Variants in RALYL observed in about 807,000 individuals in gnomAD.
RALYL encodes RNA-binding Raly-like protein.
A neutral mutation model predicts 35.1 loss-of-function variants in RALYL; 29 were observed. The ratio of observed to expected loss-of-function variants is 0.83; its 90% CI spans 0.61 to 1.13. RALYL has a LOEUF of 1.13. Ranked by LOEUF, RALYL falls within the 50% of genes most tolerant of loss-of-function variation. The pLI, the probability that RALYL is intolerant of heterozygous loss-of-function variation, is 0.00. For synonymous variants in RALYL, 120 were observed against 127.6 expected, an observed-to-expected ratio of 0.94 and a Z score of 0.40; for missense variants, 359 against 360.4, an observed-to-expected ratio of 1.00 and a Z score of 0.03.
intron 3 of RALYL, among the ~76,000 whole-genome samples, chr8:84,779,534 T>C (rs1375499749): frequency 6.6e-6 from 1 of 152,192 alleles, no homozygotes; most frequent in Non-Finnish European, 1.5e-5. Context: ...TTGGCTATCA[T>C]ACAAATGCCT....
At chr8:84,674,907 T>C (rs992072284) in intron 2 of RALYL, among the ~76,000 whole-genome samples, 1 of 152,152 alleles carries the variant, frequency 6.6e-6, no homozygotes, top group African/African-American at 2.4e-5. Flanking sequence ...TAAAGTTGTT[T>C]CTTGGATTTA....
At chr8:84,866,875 G>A (rs1212235871) in intron 6 of RALYL, among the ~76,000 whole-genome samples, 1 of 152,032 alleles carries the variant, frequency 6.6e-6, no homozygotes, top group East Asian at 1.9e-4. Flanking sequence ...TTCATGCAGG[G>A]CCAAGATAAA....
At chr8:84,303,013 T>C (rs112034533) in intron 1 of RALYL, among the ~76,000 whole-genome samples, 1,915 of 152,316 alleles carry the variant, frequency 0.013, 57 homozygotes, top group African/African-American at 0.043. Flanking sequence ...TTAATATTGA[T>C]GTTAATATAC....
intron 1 of RALYL, among the ~76,000 whole-genome samples, chr8:84,391,355 G>C (rs1159374964): frequency 6.6e-6 from 1 of 151,912 alleles, no homozygotes; most frequent in East Asian, 1.9e-4. Flanking sequence ...TTGAAACAAA[G>C]AAAAGTCCTA....
intron 2 of RALYL, among the ~76,000 whole-genome samples, chr8:84,691,712 T>A (rs1838098631): frequency 6.6e-6 from 1 of 151,262 alleles, no homozygotes; most frequent in South Asian, 2.1e-4. Context: ...AGAGAGTGAG[T>A]CCCCTGGAGG....
At chr8:84,677,902 T>A (rs376491181) in intron 2 of RALYL, among the ~76,000 whole-genome samples, 1 of 152,186 alleles carries the variant, frequency 6.6e-6, no homozygotes, top group Non-Finnish European at 1.5e-5. Context: ...AATAAACTTA[T>A]GTACATCACA....
intron 3 of RALYL, among the ~76,000 whole-genome samples, chr8:84,789,605 C>T (rs566586593): frequency 1.9e-4 from 29 of 152,150 alleles, no homozygotes; most frequent in South Asian, 4.1e-4. Flanking sequence ...CACCTATAAT[C>T]CCAGTACTTC....
intron 4 of RALYL, among the ~76,000 whole-genome samples, chr8:84,812,056 T>G (rs573222981): frequency 4.6e-5 from 7 of 152,202 alleles, no homozygotes; most frequent in Non-Finnish European, 7.4e-5. Flanking sequence ...GTGTGATTTT[T>G]GGGGGTGTTT....
intron 1 of RALYL, among the ~76,000 whole-genome samples, chr8:84,457,250 A>G (rs1275809074): frequency 6.6e-6 from 1 of 152,038 alleles, no homozygotes; most frequent in East Asian, 1.9e-4. Context: ...TAACTCATAG[A>G]ATAGACAAGT....
At chr8:84,221,715 A>G (rs1031540006) in intron 1 of RALYL, among the ~76,000 whole-genome samples, 1 of 152,084 alleles carries the variant, frequency 6.6e-6, no homozygotes, top group African/African-American at 2.4e-5. Flanking sequence ...CAATCATATC[A>G]TGACACATAG....
At chr8:84,584,222 T>A (rs1811472050) in intron 2 of RALYL, among the ~76,000 whole-genome samples, 1 of 152,202 alleles carries the variant, frequency 6.6e-6, no homozygotes, top group Non-Finnish European at 1.5e-5. Flanking sequence ...ATCTGGATGA[T>A]ATAAGAATAG....
chr8:84,340,626 A>C (rs528123123), intron 1 of RALYL, among the ~76,000 whole-genome samples: 12 of 152,188 alleles, frequency 7.9e-5, no homozygotes, highest in South Asian at 6.2e-4. Flanking sequence ...CCTCCTTTTT[A>C]AGGCTGAATA....
intron 4 of RALYL, among the ~76,000 whole-genome samples, chr8:84,819,198 T>C (rs1413563940): frequency 1.3e-5 from 2 of 152,166 alleles, no homozygotes; most frequent in Non-Finnish European, 2.9e-5. Context: ...TGCATTTGCT[T>C]CATTTTTTTC....
chr8:84,772,074 C>G (rs1218541424), intron 2 of RALYL, among the ~76,000 whole-genome samples: 1 of 151,834 alleles, frequency 6.6e-6, no homozygotes, highest in Non-Finnish European at 1.5e-5. Flanking sequence ...TGTGGATAAC[C>G]AATCATTCCA....
chr8:84,665,519 C>T (rs963108774), intron 2 of RALYL, among the ~76,000 whole-genome samples: 3 of 152,038 alleles, frequency 2.0e-5, no homozygotes, highest in African/African-American at 4.8e-5. Flanking sequence ...TCAATTTCTT[C>T]CTGCTTCAGT....
At chr8:84,188,891 T>C (rs1175963120) in intron 1 of RALYL, among the ~76,000 whole-genome samples, 1 of 152,204 alleles carries the variant, frequency 6.6e-6, no homozygotes, top group Admixed American at 6.5e-5. Context: ...TTTGTGTTTT[T>C]CTAAATTCTT....
At chr8:84,904,344 G>T (rs542331063) in intron 8 of RALYL, among the ~76,000 whole-genome samples, 8 of 152,074 alleles carry the variant, frequency 5.3e-5, no homozygotes, top group Non-Finnish European at 5.9e-5. Context: ...GTTAACCATC[G>T]CTAATTGACC....
chr8:84,295,642 G>A (rs932494449), intron 1 of RALYL, among the ~76,000 whole-genome samples: 1 of 152,012 alleles, frequency 6.6e-6, no homozygotes, highest in Non-Finnish European at 1.5e-5. Context: ...AACTGTGGGA[G>A]TAGACAGTTT....
chr8:84,488,146 C>T (rs372974388), intron 1 of RALYL, among the ~76,000 whole-genome samples: 2 of 152,008 alleles, frequency 1.3e-5, no homozygotes, highest in Non-Finnish European at 2.9e-5. Context: ...CGAATATTTT[C>T]ATGGTACAAA....
Sources: gnomAD v4.1 joint callset for allele counts (sites outside exome capture counted in the v4.1 genomes callset) on GRCh38, gnomAD v4.1.1 for gene constraint, MANE v1.5 for transcripts, NCBI Gene and HGNC (gene_info 2026-07-23, HGNC 2026-07-21) for gene names.